Variants in ABCA9 observed in about 807,000 individuals in gnomAD.
ABCA9 encodes the protein ATP-binding cassette sub-family A member 9.
Under a neutral mutation model 205.3 loss-of-function variants are expected in ABCA9, and 183 were observed. The observed-to-expected ratio is 0.89, with a 90% CI of 0.79 to 1.01. The LOEUF (loss-of-function observed/expected upper bound fraction) is 1.01. ABCA9 is among the 50% of genes least tolerant of loss of function. ABCA9 has a pLI of 0.00. For missense variants in ABCA9, 1,805 were observed against 1,912.4 expected (o/e 0.94, Z 1.05); for synonymous variants, 651 against 683.3 (o/e 0.95, Z 0.74).
At chr17:69,040,630 G>A (rs879716488) in intron 6 of ABCA9, among the ~76,000 whole-genome samples, 4 of 152,124 alleles carry the variant, frequency 2.6e-5, no homozygotes, top group Admixed American at 6.6e-5. Flanking sequence ...TAGATGAAAG[G>A]TTGATGGTTG....
At chr17:68,997,677 G>A (rs2069679258) in intron 25 of ABCA9, among the ~76,000 whole-genome samples, 1 of 148,430 alleles carries the variant, frequency 6.7e-6, no homozygotes, top group Non-Finnish European at 1.5e-5. Context: ...GCAAAATTGA[G>A]TGGCAGGTTA....
At chr17:69,077,593 T>A in the ABCA9 span, among the ~76,000 whole-genome samples, 2 of 152,196 alleles carry the variant, frequency 1.3e-5, no homozygotes, top group Non-Finnish European at 2.9e-5. Context: ...TTTAACACTG[T>A]CAATGGGGTG....
intron 17 of ABCA9, 31 bp from the exon 18 acceptor site, chr17:69,021,892 A>C (rs748880888): frequency 1.5e-6 from 2 of 1,337,276 alleles, no homozygotes; most frequent in Non-Finnish European, 2.0e-6. Flanking sequence ...AGATTATAAG[A>C]ATATAATTTA....
intron 7 of ABCA9, 107 bp downstream of exon 7, chr17:69,035,551 CAA>C: frequency 6.9e-7 from 1 of 1,457,304 alleles, no homozygotes; most frequent in Non-Finnish European, 9.2e-7. Flanking sequence ...CTGTTTCATG[CAA>C]ATACTACAAA....
intron 20 of ABCA9, 114 bp from the exon 21 acceptor site, chr17:69,017,903 T>C: frequency 5.0e-6 from 6 of 1,206,454 alleles, no homozygotes; most frequent in South Asian, 3.3e-5. Context: ...TGTCTAAGGC[T>C]TTTCTTAAAA....
Position 68,984,132 on chromosome 17 carries a change from G to A in ABCA9, c.4423C>T (p.Leu1475Phe). 6.2e-7 allele frequency: 1 copy of A among 1,614,172 alleles called. No homozygotes were observed. The highest frequency in any genetic ancestry group is 8.5e-7 in the Non-Finnish European group (1 of 1,180,022). The change falls in exon 35 of 39, where the codon CTC becomes TTC. Residue 1475 changes from leucine (L) to phenylalanine (F), a missense_variant. By Grantham distance (22) the Leu-to-Phe change is conservative. Coordinates refer to ENST00000340001, the MANE Select transcript of ABCA9 (RefSeq NM_080283.4). ...TCTGCCATGTAGTGGGTGGTCAGGA[G>A]GGCGCCCCTCTCCGTGTTTCTAAAG... ...ATFRNTERGA[L>F]LTTHYMAEAE... is the part of the protein sequence containing the mutation.
chr17:69,077,928 T>C, the ABCA9 span, among the ~76,000 whole-genome samples: 4 of 152,028 alleles, frequency 2.6e-5, no homozygotes, highest in Admixed American at 1.3e-4. Flanking sequence ...AATATATAGA[T>C]ACACCTACAT....
intron 22 of ABCA9, among the ~76,000 whole-genome samples, chr17:69,015,247 C>T (rs1409346638): frequency 2.0e-5 from 3 of 152,126 alleles, no homozygotes; most frequent in Non-Finnish European, 4.4e-5. Flanking sequence ...CAATTTGACC[C>T]TGCAAAGTTT....
intron 21 of ABCA9, among the ~76,000 whole-genome samples, 171 bp downstream of exon 21, chr17:69,017,485 G>T (rs2070660300): frequency 6.6e-6 from 1 of 152,090 alleles, no homozygotes; most frequent in Non-Finnish European, 1.5e-5. Flanking sequence ...ATTTCATATT[G>T]CCATGCTGAA....
chr17:68,990,583 T>C (rs2069414740), intron 29 of ABCA9, among the ~76,000 whole-genome samples: 1 of 152,160 alleles, frequency 6.6e-6, no homozygotes, highest in African/African-American at 2.4e-5. Flanking sequence ...AATGGGATCT[T>C]ACTTGTTGCC....
intron 25 of ABCA9, among the ~76,000 whole-genome samples, chr17:69,006,953 T>C (rs1409562046): frequency 6.6e-6 from 1 of 152,152 alleles, no homozygotes; most frequent in Non-Finnish European, 1.5e-5. Context: ...AGGCAATGGA[T>C]AGAGCAGTGA....
chr17:69,005,552 A>G (rs1230711677), intron 25 of ABCA9, among the ~76,000 whole-genome samples: 2 of 152,190 alleles, frequency 1.3e-5, no homozygotes, highest in Non-Finnish European at 2.9e-5. Context: ...AGTTTTCCTC[A>G]TCAAAATTGC....
intron 26 of ABCA9, among the ~76,000 whole-genome samples, chr17:68,994,425 C>T (rs2069551207): frequency 6.6e-6 from 1 of 152,240 alleles, no homozygotes; most frequent in Non-Finnish European, 1.5e-5. Context: ...ACCCAACTCT[C>T]TGCCTTTCCT....
chr17:69,038,342 A>G (rs1260078015), intron 6 of ABCA9, among the ~76,000 whole-genome samples: 1 of 152,236 alleles, frequency 6.6e-6, no homozygotes, highest in Non-Finnish European at 1.5e-5. Context: ...AACGGAATCC[A>G]GCAGCACATC....
upstream of ABCA9, among the ~76,000 whole-genome samples, chr17:69,062,879 A>G (rs188436665): frequency 2.5e-4 from 38 of 151,710 alleles, no homozygotes; most frequent in African/African-American, 8.9e-4. Context: ...TGGGAGTTCA[A>G]AAATGAAATG....
chr17:69,018,354 TGGGGGGAA>T, intron 20 of ABCA9, 51 bp downstream of exon 20: 1 of 1,366,022 alleles, frequency 7.3e-7, no homozygotes, highest in Non-Finnish European at 9.7e-7. Context: ...TCATGTTTTT[TGGGGGGAA>T]TCTCTCAACA....
At chr17:69,076,510 G>A in the ABCA9 span, among the ~76,000 whole-genome samples, 1 of 152,126 alleles carries the variant, frequency 6.6e-6, no homozygotes, top group Non-Finnish European at 1.5e-5. Context: ...TCTGGTATTA[G>A]GGTGATGCTG....
chr17:69,061,272 AAGTAAGAAGCCAATCC>A (rs561114844), upstream of ABCA9: 189 of 507,400 alleles, frequency 3.7e-4, no homozygotes, highest in African/African-American at 3.7e-3. Flanking sequence ...AAACAAAGAT[AAGTAAGAAGCCAATCC>A]AGAGAAGAGT....
At chr17:69,064,615 G>A (rs143746992), upstream of ABCA9, among the ~76,000 whole-genome samples, 309 of 152,252 alleles carry the variant, frequency 2.0e-3, 2 homozygotes, top group African/African-American at 6.7e-3. Flanking sequence ...ATTTAGGTTT[G>A]GGGTGGAGGG....
Sources: gnomAD v4.1 joint callset for allele counts (sites outside exome capture counted in the v4.1 genomes callset) on GRCh38, gnomAD v4.1.1 for gene constraint, MANE v1.5 for transcripts, NCBI Gene and HGNC (gene_info 2026-07-23, HGNC 2026-07-21) for gene names.